Variants in ZNF124 observed in about 807,000 individuals in gnomAD.
ZNF124 encodes the protein zinc finger protein 124.
A neutral mutation model predicts 26.6 loss-of-function variants in ZNF124; 25 were observed. The observed-to-expected ratio is 0.94, with a 90% CI of 0.68 to 1.31. The LOEUF (loss-of-function observed/expected upper bound fraction) is 1.31. ZNF124 is among the 40% of genes most tolerant of loss of function. The probability of loss-of-function intolerance (pLI) is 0.00; values close to 1 mark genes in which losing one functional copy is unlikely to be tolerated. For missense variants in ZNF124, 444 were observed against 422.2 expected (o/e 1.05, Z -0.45); for synonymous variants, 129 against 133.3 (o/e 0.97, Z 0.22).
At chr1:247,125,634 A>C (rs1672198584) in intron 3 of ZNF124, among the ~76,000 whole-genome samples, 1 of 139,556 alleles carries the variant, frequency 7.2e-6, no homozygotes, top group African/African-American at 2.7e-5. Flanking sequence ...GTTTCACCAC[A>C]TTCGCCAGGC....
intron 3 of ZNF124, 101 bp from the exon 4 acceptor site, chr1:247,157,504 T>C: frequency 8.6e-7 from 1 of 1,165,030 alleles, no homozygotes; most frequent in East Asian, 2.6e-5. Context: ...AAATTTGGCA[T>C]CTGGAGGTTT....
intron 3 of ZNF124, among the ~76,000 whole-genome samples, chr1:247,131,696 T>C (rs144447960): frequency 6.6e-6 from 1 of 152,268 alleles, no homozygotes; most frequent in African/African-American, 2.4e-5. Context: ...TCTTCAGGCC[T>C]AATCCCTTCT....
At chr1:247,130,759 C>T (rs1672334997) in intron 3 of ZNF124, among the ~76,000 whole-genome samples, 1 of 152,192 alleles carries the variant, frequency 6.6e-6, no homozygotes, top group South Asian at 2.1e-4. Flanking sequence ...CTGGACTCTT[C>T]AAACACTGAG....
Position 247,126,106 on chromosome 1 carries a change from C to T in ZNF124, c.219-2235G>A, listed in dbSNP as rs894460397. ...GTGAAACCCGTCTCTACTAAAGATACAAAAATTATTATTATATTGTACCCT... is the reference window on the plus strand; with the variant it reads ...GTGAAACCCGTCTCTACTAAAGATATAAAAATTATTATTATATTGTACCCT... On this transcript the variant is annotated intron_variant, in intron 3 of 3. Transcript: ENST00000472531. Among the ~76,000 whole-genome samples the T allele has an allele frequency of 2.6e-5, 4 of 152,064 alleles. No individual in the cohort carries two copies. The South Asian group carries it at 6.2e-4, about 24-fold the overall frequency.
At chr1:247,139,596 C>G (rs556802377) in intron 3 of ZNF124, among the ~76,000 whole-genome samples, 2 of 152,286 alleles carry the variant, frequency 1.3e-5, no homozygotes, top group South Asian at 4.1e-4. Context: ...TGTCACTGAT[C>G]TGTGTATTTA....
Position 247,155,771 on chromosome 1 carries a change from G to A in ZNF124, c.*795C>T. 1.1e-5 allele frequency: 3 copies of A among 272,392 alleles called. No homozygotes were observed. The highest frequency in any genetic ancestry group is 1.7e-5 in the Non-Finnish European group (3 of 179,682). The allele number at this position is 272,392 out of a possible 1,614,324, so 16.9% of individuals were successfully genotyped here. A position where few individuals can be genotyped will look rare whatever the true frequency, so the allele number is the denominator to read the frequency against. On this transcript the variant is annotated 3_prime_UTR_variant, in exon 4 of 4. Transcript: ENST00000543802. ...AGCTACTCAGGAGGCTGAGGCAGGA[G>A]AATGGCGTGAACCTGGGAGGCAGAG...
At chr1:247,131,330 G>A (rs35160165) in intron 3 of ZNF124, among the ~76,000 whole-genome samples, 72 of 152,158 alleles carry the variant, frequency 4.7e-4, no homozygotes, top group Non-Finnish European at 7.9e-4. Flanking sequence ...GATCCCACTC[G>A]CAAACCCACG....
At position 247,155,039 on chromosome 1, in the gene ZNF124, A is replaced by G. The variant is rs1673050628; in HGVS notation, c.*1527T>C. ...TAAAAACCCTCAGCTAACATCATAC[A>G]TGATGATAAGACTGGATGCTTTCTT... On this transcript the variant is annotated 3_prime_UTR_variant, in exon 4 of 4. Transcript: ENST00000543802. Among the ~76,000 whole-genome samples, 1 of 152,228 alleles carries G rather than the reference A, an allele frequency of 6.6e-6. No individual in the cohort carries two copies. The highest frequency in any genetic ancestry group is 2.4e-5 in the African/African-American group (1 of 41,466).
intron 2 of ZNF124, among the ~76,000 whole-genome samples, chr1:247,159,474 T>C (rs754277742): frequency 3.3e-5 from 5 of 152,200 alleles, no homozygotes; most frequent in Non-Finnish European, 7.3e-5. Context: ...CATAAACCAA[T>C]ATAAAACTAT....
At chr1:247,170,798 G>C (rs1003725774) in intron 1 of ZNF124, among the ~76,000 whole-genome samples, 1 of 139,820 alleles carries the variant, frequency 7.2e-6, no homozygotes, top group Admixed American at 6.9e-5. Flanking sequence ...GATTTTCACA[G>C]TGCTTTTCCA....
intron 3 of ZNF124, among the ~76,000 whole-genome samples, chr1:247,146,069 T>C (rs1013817329): frequency 6.6e-6 from 1 of 152,222 alleles, no homozygotes; most frequent in Non-Finnish European, 1.5e-5. Context: ...GCAATGACCC[T>C]GAGTTCTGAC....
intron 3 of ZNF124, among the ~76,000 whole-genome samples, chr1:247,130,467 C>A (rs72770325): frequency 0.024 from 3,633 of 152,308 alleles, 66 homozygotes; most frequent in Non-Finnish European, 0.035. Flanking sequence ...TCAGTTCCAC[C>A]TTTGTGCCGA....
chr1:247,137,632 T>A (rs1048638131), intron 3 of ZNF124, among the ~76,000 whole-genome samples: 11 of 151,758 alleles, frequency 7.2e-5, no homozygotes, highest in Non-Finnish European at 7.4e-5. Context: ...ACTAAAGAGC[T>A]TATGCACAGC....
At chr1:247,162,611 C>A (rs1384377083) in intron 1 of ZNF124, among the ~76,000 whole-genome samples, 2 of 137,892 alleles carry the variant, frequency 1.5e-5, no homozygotes, top group Admixed American at 7.2e-5. Context: ...AATATATTAA[C>A]CCTTGGCAAA....
At chr1:247,131,938 T>TA (rs1672377955) in intron 3 of ZNF124, among the ~76,000 whole-genome samples, 1 of 152,120 alleles carries the variant, frequency 6.6e-6, no homozygotes, top group South Asian at 2.1e-4. Flanking sequence ...AGTCTTTCAT[T>TA]AAACGGGTCC....
chr1:247,166,122 T>C (rs939223833), intron 1 of ZNF124, among the ~76,000 whole-genome samples: 2 of 152,144 alleles, frequency 1.3e-5, no homozygotes, highest in African/African-American at 4.8e-5. Context: ...GAGGCTGCAG[T>C]AAGCCAAAAT....
At chr1:247,158,436 T>C (rs1673278221) in intron 3 of ZNF124, among the ~76,000 whole-genome samples, 1 of 152,124 alleles carries the variant, frequency 6.6e-6, no homozygotes, top group African/African-American at 2.4e-5. Context: ...GCAGAACCAT[T>C]AGCCAAATAA....
intron 3 of ZNF124, among the ~76,000 whole-genome samples, chr1:247,146,112 C>T (rs115300538): frequency 0.011 from 1,708 of 152,268 alleles, 13 homozygotes; most frequent in Non-Finnish European, 0.016. Flanking sequence ...ACTCAGGTTC[C>T]GCATGGCTGA....
intron 3 of ZNF124, among the ~76,000 whole-genome samples, chr1:247,131,263 G>A (rs189977716): frequency 2.1e-4 from 32 of 152,196 alleles, no homozygotes; most frequent in Admixed American, 1.4e-3. Context: ...GAGTGAGTGC[G>A]CTACCCAGCT....
Sources: allele counts gnomAD v4.1 joint callset (sites outside exome capture counted in the v4.1 genomes callset), GRCh38; gene constraint gnomAD v4.1.1; transcripts MANE v1.5; gene names NCBI Gene and HGNC (gene_info 2026-07-23, HGNC 2026-07-21).